The following MDGA2 variants were observed in gnomAD, a reference collection of about 807,000 sequenced individuals.
MDGA2 encodes the protein MAM domain containing glycosylphosphatidylinositol anchor 2, also known as MAM domain-containing glycosylphosphatidylinositol anchor protein 2.
MDGA2 carries 40 observed loss-of-function variants against 117.8 expected under a neutral mutation model. The ratio of observed to expected loss-of-function variants is 0.34; its 90% CI spans 0.26 to 0.44. The LOEUF is 0.44. Among genes scored for constraint, MDGA2 ranks in the 20% least tolerant of loss-of-function variants. The probability of loss-of-function intolerance (pLI) is 1.00; values close to 1 mark genes in which losing one functional copy is unlikely to be tolerated. For synonymous variants in MDGA2, 452 were observed against 439.0 expected (o/e 1.03, Z -0.37); for missense variants, 1,123 against 1,250.6 (o/e 0.90, Z 1.54).
chr14:47,290,255 A>G (rs1888835135), intron 2 of MDGA2, among the ~76,000 whole-genome samples: 1 of 152,066 alleles, frequency 6.6e-6, no homozygotes, highest in African/African-American at 2.4e-5. Flanking sequence ...TAGAGACCTC[A>G]TGAATGGGAT....
At chr14:47,292,242 G>C (rs556112302) in intron 2 of MDGA2, among the ~76,000 whole-genome samples, 1 of 152,306 alleles carries the variant, frequency 6.6e-6, no homozygotes, top group African/African-American at 2.4e-5. Flanking sequence ...TTTCTCCTGA[G>C]AAGCAGTGTT....
intron 2 of MDGA2, among the ~76,000 whole-genome samples, chr14:47,245,973 A>G (rs1007560869): frequency 1.3e-5 from 2 of 151,756 alleles, no homozygotes; most frequent in Non-Finnish European, 2.9e-5. Flanking sequence ...GAGGTAAGAA[A>G]AGCAACTTTC....
At chr14:47,607,954 T>C (rs1461929209) in intron 1 of MDGA2, among the ~76,000 whole-genome samples, 1 of 152,098 alleles carries the variant, frequency 6.6e-6, no homozygotes, top group African/African-American at 2.4e-5. Flanking sequence ...ACAGCCATTT[T>C]TTTTTCTGAT....
intron 9 of MDGA2, among the ~76,000 whole-genome samples, chr14:46,956,782 T>C (rs12433807): frequency 0.11 from 17,319 of 152,140 alleles, 1,848 homozygotes; most frequent in African/African-American, 0.25. Context: ...TGTGGAATTG[T>C]AATCCCCACT....
intron 1 of MDGA2, among the ~76,000 whole-genome samples, chr14:47,408,411 G>A (rs1232653900): frequency 6.6e-6 from 1 of 152,136 alleles, no homozygotes; most frequent in Non-Finnish European, 1.5e-5. Flanking sequence ...TTTAAAAGTA[G>A]ACAACTGTCT....
intron 1 of MDGA2, among the ~76,000 whole-genome samples, chr14:47,452,876 G>C (rs1434633021): frequency 6.6e-6 from 1 of 152,074 alleles, no homozygotes; most frequent in East Asian, 1.9e-4. Flanking sequence ...CATTGTTCTA[G>C]TGGAAGGTAG....
intron 1 of MDGA2, among the ~76,000 whole-genome samples, chr14:47,358,597 T>G (rs1236355267): frequency 6.6e-6 from 1 of 152,120 alleles, no homozygotes; most frequent in Non-Finnish European, 1.5e-5. Flanking sequence ...AAGAATGAAT[T>G]AATGAGTTCA....
intron 1 of MDGA2, among the ~76,000 whole-genome samples, chr14:47,342,256 T>TTATATATA (rs10536485): frequency 4.7e-4 from 63 of 134,060 alleles, no homozygotes; most frequent in African/African-American, 1.6e-3. Context: ...CACAAAATGT[T>TTATATATA]TATATATATA....
intron 1 of MDGA2, among the ~76,000 whole-genome samples, chr14:47,313,124 T>C (rs1011773054): frequency 6.6e-6 from 1 of 152,026 alleles, no homozygotes; most frequent in Non-Finnish European, 1.5e-5. Flanking sequence ...TAATTTTAAA[T>C]GTTATCTTGG....
intron 14 of MDGA2, among the ~76,000 whole-genome samples, chr14:46,863,536 T>C (rs772505799): frequency 1.3e-5 from 2 of 152,180 alleles, no homozygotes; most frequent in Non-Finnish European, 2.9e-5. Context: ...AAATTAGTTT[T>C]AAAGTTTGGT....
rs979129015 is a variant in MDGA2, at chr14:46,884,868, A to T, written c.2239-2647T>A. On this transcript the variant is annotated intron_variant, in intron 10 of 16. Coordinates refer to ENST00000399232, the MANE Select transcript of MDGA2 (RefSeq NM_001113498.3). The surrounding 1 kb of genome is among the most constrained non-coding windows in gnomAD (Gnocchi z 4.1). Reference sequence around the variant, plus strand: ...TACTTTCTTTTTTGTTTTTTTTCTGAGACAGTCTCGCTCTGTCACCTAGGC... The same window carrying T: ...TACTTTCTTTTTTGTTTTTTTTCTGTGACAGTCTCGCTCTGTCACCTAGGC... Among the ~76,000 whole-genome samples the T allele has an allele frequency of 1.3e-5, 2 of 150,902 alleles. No homozygotes were observed. Among genetic ancestry groups the T allele is most frequent in the African/African-American group, 4.9e-5 (2 of 40,914 alleles).
chr14:47,509,849 T>C (rs1438660690), intron 1 of MDGA2, among the ~76,000 whole-genome samples: 1 of 152,190 alleles, frequency 6.6e-6, no homozygotes, highest in Non-Finnish European at 1.5e-5. Context: ...TTGACAGCAA[T>C]TTGCCTAGGG....
At chr14:47,459,033 G>A (rs10150723) in intron 1 of MDGA2, among the ~76,000 whole-genome samples, 41,486 of 150,778 alleles carry the variant, frequency 0.28, 6,049 homozygotes, top group South Asian at 0.47. Context: ...AATTAAGGCC[G>A]TCTATAATTC....
chr14:47,364,006 T>C (rs1306297207), intron 1 of MDGA2, among the ~76,000 whole-genome samples: 1 of 151,996 alleles, frequency 6.6e-6, no homozygotes, highest in East Asian at 1.9e-4. Context: ...AAAAATGAGC[T>C]TATTAAAAGT....
chr14:47,249,025 TG>T (rs67112312), intron 2 of MDGA2, among the ~76,000 whole-genome samples: 19 of 149,038 alleles, frequency 1.3e-4, no homozygotes, highest in African/African-American at 4.0e-4. Flanking sequence ...TTGTTGTTGT[TG>T]TTTTTTGTTT....
chr14:46,926,875 G>A (rs1288104265), intron 9 of MDGA2, among the ~76,000 whole-genome samples: 1 of 152,068 alleles, frequency 6.6e-6, no homozygotes. Flanking sequence ...TAAAAAAAAA[G>A]ATATGTGATT....
intron 9 of MDGA2, among the ~76,000 whole-genome samples, chr14:46,940,061 T>C (rs1035655003): frequency 6.6e-6 from 1 of 152,174 alleles, no homozygotes; most frequent in Non-Finnish European, 1.5e-5. Context: ...GACTTTCTGA[T>C]AGGATGGAGG....
intron 10 of MDGA2, among the ~76,000 whole-genome samples, chr14:46,913,477 A>G (rs150801106): frequency 5.7e-5 from 7 of 122,206 alleles, no homozygotes; most frequent in African/African-American, 2.0e-4. Context: ...AGCAAAAATT[A>G]TTCACTAAAA....
At chr14:46,846,040 C>T (rs571488451) in intron 15 of MDGA2, among the ~76,000 whole-genome samples, 169 bp from the exon 16 acceptor site, 1 of 152,208 alleles carries the variant, frequency 6.6e-6, no homozygotes, top group East Asian at 1.9e-4. Flanking sequence ...CATCCCAAAA[C>T]CAGTAATTGA....
Sources: allele counts gnomAD v4.1 joint callset (sites outside exome capture counted in the v4.1 genomes callset), GRCh38; gene constraint gnomAD v4.1.1; non-coding constraint Gnocchi (gnomAD v3.1); transcripts MANE v1.5; gene names NCBI Gene and HGNC (gene_info 2026-07-23, HGNC 2026-07-21).